AP3S1: variants seen among roughly 807,000 people sequenced by gnomAD.
AP3S1 encodes adaptor related protein complex 3 subunit sigma 1.
AP3S1 carries 12 observed loss-of-function variants against 21.3 expected under a neutral mutation model. The ratio of observed to expected loss-of-function variants is 0.56; its 90% CI spans 0.36 to 0.91. AP3S1 has a LOEUF of 0.91. AP3S1 is among the 40% of genes least tolerant of loss of function. The pLI is 0.01. For synonymous variants in AP3S1, 48 were observed against 78.4 expected (o/e 0.61, Z 2.05); for missense variants, 116 against 225.0 (o/e 0.52, Z 3.10).
intron 1 of AP3S1, among the ~76,000 whole-genome samples, chr5:115,861,379 T>C (rs1379444468): frequency 1.3e-5 from 2 of 152,202 alleles, no homozygotes; most frequent in Non-Finnish European, 2.9e-5. Context: ...GCTTAGATTT[T>C]GGAGAACGTT....
intron 1 of AP3S1, among the ~76,000 whole-genome samples, chr5:115,863,395 GA>G (rs985821875): frequency 2.0e-5 from 3 of 146,536 alleles, no homozygotes; most frequent in Non-Finnish European, 3.0e-5. Context: ...AAACTATCTC[GA>G]AAAAAAATAA....
chr5:115,907,052 A>G (rs1751710301), intron 5 of AP3S1: 1 of 922,420 alleles, frequency 1.1e-6, no homozygotes, highest in Non-Finnish European at 1.3e-6. Flanking sequence ...GTATTTTACT[A>G]GTATATCATT....
intron 5 of AP3S1, among the ~76,000 whole-genome samples, chr5:115,906,427 C>T (rs1751657121): frequency 6.6e-6 from 1 of 151,996 alleles, no homozygotes; most frequent in Non-Finnish European, 1.5e-5. Flanking sequence ...CAGTTTAATT[C>T]CCAATACCTA....
chr5:115,841,943 G>A lies in AP3S1; in HGVS notation c.-95G>A, dbSNP rs1274102962. ...GCGCGGTCGCGTGCGGGAGGGGGCGGGTGGGGAAGGATCGCAGGCGAGATT... is the reference window on the plus strand; with the variant it reads ...GCGCGGTCGCGTGCGGGAGGGGGCGAGTGGGGAAGGATCGCAGGCGAGATT... On this transcript the variant is annotated 5_prime_UTR_variant, in exon 1 of 6. Coordinates refer to ENST00000316788, the MANE Select transcript of AP3S1 (RefSeq NM_001284.4). 17 of 1,518,210 alleles carry A rather than the reference G, an allele frequency of 1.1e-5. No homozygotes were observed. Among genetic ancestry groups the A allele is most frequent in the Middle Eastern group, 2.2e-4 (1 of 4,472 alleles). 94.0% of individuals were successfully genotyped at this position (1,518,210 alleles called of 1,614,324 possible).
chr5:115,878,563 T>C (rs1748965695), intron 3 of AP3S1, among the ~76,000 whole-genome samples: 1 of 152,210 alleles, frequency 6.6e-6, no homozygotes, highest in South Asian at 2.1e-4. Flanking sequence ...TGTATACCTG[T>C]TTTGGCACCA....
intron 5 of AP3S1, 54 bp downstream of exon 5, chr5:115,903,046 C>T (rs1026999405): frequency 2.0e-5 from 26 of 1,277,532 alleles, no homozygotes; most frequent in Non-Finnish European, 2.5e-5. Flanking sequence ...TGACAGATTA[C>T]GCATGATTTG....
intron 2 of AP3S1, among the ~76,000 whole-genome samples, chr5:115,869,220 G>C (rs557217781): frequency 2.6e-5 from 4 of 152,194 alleles, no homozygotes; most frequent in Non-Finnish European, 4.4e-5. Context: ...AGTATTTCAT[G>C]AAAGAGTTTA....
chr5:115,891,603 C>G (rs554852220), intron 3 of AP3S1, among the ~76,000 whole-genome samples: 1 of 152,258 alleles, frequency 6.6e-6, no homozygotes, highest in Admixed American at 6.5e-5. Flanking sequence ...GGGTGGGACC[C>G]TCATGGAGAA....
At chr5:115,887,062 A>G (rs1464033599) in intron 3 of AP3S1, among the ~76,000 whole-genome samples, 1 of 152,230 alleles carries the variant, frequency 6.6e-6, no homozygotes, top group Non-Finnish European at 1.5e-5. Context: ...AAAGATTCTT[A>G]ATAGTACATG....
intron 1 of AP3S1, among the ~76,000 whole-genome samples, chr5:115,861,710 A>G (rs565364993): frequency 6.6e-6 from 1 of 151,798 alleles, no homozygotes; most frequent in South Asian, 2.1e-4. Flanking sequence ...ATGCACTACC[A>G]TGCCTGGGTA....
At chr5:115,867,997 G>C (rs954169924) in intron 2 of AP3S1, among the ~76,000 whole-genome samples, 1 of 152,132 alleles carries the variant, frequency 6.6e-6, no homozygotes, top group African/African-American at 2.4e-5. Flanking sequence ...CTAACTAGCT[G>C]ATTTCCTTGG....
intron 3 of AP3S1, among the ~76,000 whole-genome samples, chr5:115,893,225 G>A (rs1561515839): frequency 6.6e-6 from 1 of 152,138 alleles, no homozygotes; most frequent in Non-Finnish European, 1.5e-5. Context: ...CCCCCAAGAA[G>A]CAGAGAGTGT....
intron 5 of AP3S1, among the ~76,000 whole-genome samples, chr5:115,910,101 A>T (rs549132586): frequency 6.6e-6 from 1 of 152,024 alleles, no homozygotes; most frequent in South Asian, 2.1e-4. Context: ...CATCTCTACA[A>T]ATGTATATTT....
intron 1 of AP3S1, among the ~76,000 whole-genome samples, chr5:115,861,851 TTTTC>T: frequency 1.4e-5 from 2 of 140,162 alleles, no homozygotes; most frequent in African/African-American, 5.4e-5. Context: ...CAGGCCAAAA[TTTTC>T]TTTTCTTTTC....
At chr5:115,846,110 A>G (rs1443074805) in intron 1 of AP3S1, among the ~76,000 whole-genome samples, 2 of 152,130 alleles carry the variant, frequency 1.3e-5, no homozygotes, top group Admixed American at 1.3e-4. Context: ...TTACATAGCT[A>G]TCAAACAAAA....
intron 5 of AP3S1, among the ~76,000 whole-genome samples, chr5:115,912,685 C>A (rs1487947105): frequency 6.6e-6 from 1 of 151,856 alleles, no homozygotes; most frequent in Non-Finnish European, 1.5e-5. Flanking sequence ...CATTTTTAAT[C>A]GTTATATTTT....
intron 1 of AP3S1, among the ~76,000 whole-genome samples, chr5:115,850,102 C>A (rs937937279): frequency 1.3e-5 from 2 of 152,248 alleles, no homozygotes; most frequent in Admixed American, 6.5e-5. Context: ...CTCTATTGTA[C>A]TGAAAAGCAT....
intron 1 of AP3S1, among the ~76,000 whole-genome samples, chr5:115,860,801 T>A (rs1015782771): frequency 6.6e-6 from 1 of 152,186 alleles, no homozygotes; most frequent in Admixed American, 6.5e-5. Flanking sequence ...TAGCTGGGGT[T>A]TGGGCAGGCA....
chr5:115,865,640 G>T (rs1763554339), intron 1 of AP3S1, among the ~76,000 whole-genome samples: 1 of 152,070 alleles, frequency 6.6e-6, no homozygotes, highest in Admixed American at 6.6e-5. Context: ...TGCTGATATG[G>T]TACATGTGGA....
Sources: allele counts gnomAD v4.1 joint callset (sites outside exome capture counted in the v4.1 genomes callset), GRCh38; gene constraint gnomAD v4.1.1; transcripts MANE v1.5; gene names NCBI Gene and HGNC (gene_info 2026-07-23, HGNC 2026-07-21).